Variants in SEM1 observed in about 807,000 individuals in gnomAD.
The protein encoded by SEM1 is SEM1 26S proteasome subunit.
A neutral mutation model predicts 12.7 loss-of-function variants in SEM1; 3 were observed. The observed-to-expected ratio is 0.24, with a 90% CI of 0.11 to 0.61. SEM1 has a LOEUF of 0.61. Among genes scored for constraint, SEM1 ranks in the 20% least tolerant of loss-of-function variants. SEM1 has a pLI of 0.88. For synonymous variants in SEM1, 30 were observed against 27.8 expected, an observed-to-expected ratio of 1.08 and a Z score of -0.25; for missense variants, 59 against 81.3, an observed-to-expected ratio of 0.73 and a Z score of 1.06.
chr7:96,641,476 C>G (rs1808608032), intron 2 of SEM1, among the ~76,000 whole-genome samples: 1 of 151,956 alleles, frequency 6.6e-6, no homozygotes, highest in Non-Finnish European at 1.5e-5. Context: ...AAATGGAAAT[C>G]TAGGAGCTTT....
intron 2 of SEM1, among the ~76,000 whole-genome samples, chr7:96,690,874 C>T (rs1209739774): frequency 6.6e-6 from 1 of 152,102 alleles, no homozygotes; most frequent in Admixed American, 6.5e-5. Flanking sequence ...AGGTTTATGC[C>T]ATTGTCCTGC....
chr7:96,709,793 A>G lies in SEM1; in HGVS notation c.-30T>C, dbSNP rs1418523998. ...ACTGTCCGCGCCCAACACCTCCCAG[A>G]TAAGCAGAAAAGTTGGAACCCTCAC... On this transcript the variant is annotated 5_prime_UTR_variant, in exon 1 of 3. Coordinates refer to ENST00000248566, the MANE Select transcript of SEM1 (RefSeq NM_006304.2). 6.2e-7 allele frequency: 1 copy of G among 1,611,202 alleles called. No individual in the cohort carries two copies.
chr7:96,701,016 T>C (rs1257721280), intron 1 of SEM1, among the ~76,000 whole-genome samples: 2 of 152,080 alleles, frequency 1.3e-5, no homozygotes, highest in African/African-American at 4.8e-5. Context: ...ATCAAATAAT[T>C]CACAAATTTA....
At chr7:96,520,556 TGGTG>T in intron 2 of SEM1, among the ~76,000 whole-genome samples, 1 of 152,226 alleles carries the variant, frequency 6.6e-6, no homozygotes, top group East Asian at 1.9e-4. Flanking sequence ...ACCTCAATCC[TGGTG>T]GGTTACTCTC....
At chr7:96,548,699 A>G (rs1805175710) in intron 2 of SEM1, among the ~76,000 whole-genome samples, 1 of 152,076 alleles carries the variant, frequency 6.6e-6, no homozygotes, top group Admixed American at 6.6e-5. Flanking sequence ...CTCCCTTTTT[A>G]AAATATAAAC....
rs188681038 is a variant in SEM1 at position 96,575,900 on chromosome 7, C to T, written c.171-69202G>A. 2.8e-4 allele frequency among the ~76,000 whole-genome samples: 42 copies of T among 152,246 alleles called. No individual in the cohort carries two copies. In the East Asian group the frequency reaches 6.8e-3, roughly 24 times the overall value. On this transcript the variant is annotated intron_variant and NMD_transcript_variant, in intron 2 of 3. Coordinates refer to the SEM1 transcript ENST00000466986. ...CCAAAAAAGGAAATAACCCTTTTTA[C>T]TTATTTTGATCTACTTGAAGAAGAC...
At chr7:96,598,661 T>C (rs746003260) in intron 2 of SEM1, among the ~76,000 whole-genome samples, 2 of 152,144 alleles carry the variant, frequency 1.3e-5, no homozygotes, top group Non-Finnish European at 2.9e-5. Flanking sequence ...GGCATTTCTC[T>C]GGGAGGAAAA....
intron 1 of SEM1, among the ~76,000 whole-genome samples, chr7:96,703,719 G>T (rs1034259912): frequency 6.6e-6 from 1 of 151,854 alleles, no homozygotes; most frequent in African/African-American, 2.4e-5. Flanking sequence ...AAGACTGATG[G>T]GAAGACTGCT....
intron 2 of SEM1, among the ~76,000 whole-genome samples, chr7:96,553,736 T>G (rs1431179495): frequency 6.6e-6 from 1 of 152,082 alleles, no homozygotes; most frequent in Non-Finnish European, 1.5e-5. Context: ...GTGAAGAAAG[T>G]CATTGGTAGC....
exon 4 of SEM1, chr7:96,481,754 G>C (rs1245278152): frequency 6.6e-6 from 1 of 152,026 alleles, no homozygotes; most frequent in Non-Finnish European, 1.5e-5. Flanking sequence ...ATTAAATCTT[G>C]TTTTTATAGA....
intron 2 of SEM1, among the ~76,000 whole-genome samples, chr7:96,605,931 G>A (rs1807337043): frequency 6.6e-6 from 1 of 152,018 alleles, no homozygotes; most frequent in South Asian, 2.1e-4. Context: ...CTTTGTCAAG[G>A]GTACCCACAT....
At chr7:96,504,587 A>G (rs777684594) in intron 3 of SEM1, among the ~76,000 whole-genome samples, 1 of 152,102 alleles carries the variant, frequency 6.6e-6, no homozygotes, top group Non-Finnish European at 1.5e-5. Flanking sequence ...ATCAAAACCT[A>G]TATACTAATT....
At chr7:96,533,983 T>C (rs2115735713) in intron 2 of SEM1, among the ~76,000 whole-genome samples, 1 of 152,106 alleles carries the variant, frequency 6.6e-6, no homozygotes, top group East Asian at 1.9e-4. Flanking sequence ...GACCCCTGAG[T>C]GCAACAAAAT....
intron 2 of SEM1, among the ~76,000 whole-genome samples, chr7:96,533,963 A>G (rs1355019685): frequency 6.6e-6 from 1 of 152,030 alleles, no homozygotes; most frequent in Admixed American, 6.6e-5. Flanking sequence ...TATTAATTGT[A>G]TTAAATCCCG....
intron 1 of SEM1, among the ~76,000 whole-genome samples, chr7:96,491,982 A>G (rs1803026486): frequency 6.6e-6 from 1 of 152,196 alleles, no homozygotes; most frequent in African/African-American, 2.4e-5. Context: ...TCAGGTGTAC[A>G]GATTCCACTT....
At chr7:96,691,472 T>C (rs961959250) in intron 2 of SEM1, among the ~76,000 whole-genome samples, 1 of 152,194 alleles carries the variant, frequency 6.6e-6, no homozygotes. Context: ...TATGGCTAAA[T>C]AGGAGGCAGA....
chr7:96,629,846 C>T (rs987448833), intron 2 of SEM1, among the ~76,000 whole-genome samples: 1 of 152,178 alleles, frequency 6.6e-6, no homozygotes, highest in African/African-American at 2.4e-5. Flanking sequence ...CTTTAGGGGC[C>T]ACCCCATGCC....
chr7:96,573,301 G>A (rs1052051788), intron 2 of SEM1, among the ~76,000 whole-genome samples: 1 of 152,078 alleles, frequency 6.6e-6, no homozygotes, highest in African/African-American at 2.4e-5. Flanking sequence ...GGTTAATATT[G>A]TTAAGTGTGA....
chr7:96,612,000 A>G (rs1807555210), intron 2 of SEM1, among the ~76,000 whole-genome samples: 1 of 90,448 alleles, frequency 1.1e-5, no homozygotes, highest in Non-Finnish European at 2.1e-5. Context: ...CCCCCCAAAT[A>G]AAAAAAGCAT....
Sources: allele counts gnomAD v4.1 joint callset (sites outside exome capture counted in the v4.1 genomes callset), GRCh38; gene constraint gnomAD v4.1.1; transcripts MANE v1.5; gene names NCBI Gene and HGNC (gene_info 2026-07-23, HGNC 2026-07-21).